ADGRF5: variants seen among roughly 807,000 people sequenced by gnomAD.
ADGRF5 encodes adhesion G protein-coupled receptor F5, also known as G-protein coupled receptor 116.
ADGRF5 carries 75 observed loss-of-function variants against 132.3 expected under a neutral mutation model. The ratio of observed to expected loss-of-function variants is 0.57; its 90% CI spans 0.47 to 0.69. ADGRF5 has a LOEUF of 0.69. Ranked by LOEUF, ADGRF5 falls within the 30% of genes least tolerant of loss-of-function variation. The pLI, the probability that ADGRF5 is intolerant of heterozygous loss-of-function variation, is 0.00. For missense variants in ADGRF5, 1,516 were observed against 1,630.6 expected, an observed-to-expected ratio of 0.93 and a Z score of 1.21; for synonymous variants, 629 against 597.6, an observed-to-expected ratio of 1.05 and a Z score of -0.77.
chr6:46,890,644 G>A (rs1773556493), intron 3 of ADGRF5, among the ~76,000 whole-genome samples: 1 of 152,030 alleles, frequency 6.6e-6, no homozygotes, highest in Non-Finnish European at 1.5e-5. Flanking sequence ...TTGAACCCAG[G>A]AGGCAGAGGT....
chr6:46,858,024 T>G, intron 17 of ADGRF5, 105 bp downstream of exon 17: 1 of 811,516 alleles, frequency 1.2e-6, no homozygotes, highest in South Asian at 1.9e-5. Context: ...TGAGGCTTCC[T>G]CTGGGCTGAA....
chr6:46,910,044 G>C (rs1775783328), intron 1 of ADGRF5, among the ~76,000 whole-genome samples: 1 of 146,410 alleles, frequency 6.8e-6, no homozygotes, highest in African/African-American at 2.5e-5. Context: ...ATAAAAAATA[G>C]AGAAACAATC....
chr6:46,899,884 T>C, intron 3 of ADGRF5, 145 bp downstream of exon 3: 2 of 627,086 alleles, frequency 3.2e-6, no homozygotes, highest in Non-Finnish European at 5.8e-6. Flanking sequence ...AGTTTCCTAG[T>C]AATTATTTTT....
chr6:46,897,968 G>T (rs772583609), intron 3 of ADGRF5, among the ~76,000 whole-genome samples: 1 of 152,268 alleles, frequency 6.6e-6, no homozygotes, highest in Non-Finnish European at 1.5e-5. Flanking sequence ...GCAGATGATG[G>T]GTTGATTCAT....
chr6:46,913,765 A>AT (rs1776191411), intron 1 of ADGRF5, among the ~76,000 whole-genome samples: 1 of 152,222 alleles, frequency 6.6e-6, no homozygotes, highest in Admixed American at 6.5e-5. Flanking sequence ...TTCTTCCCAC[A>AT]TGTAAGCTGC....
At chr6:46,944,258 A>G (rs1778211832) in intron 1 of ADGRF5, among the ~76,000 whole-genome samples, 1 of 152,204 alleles carries the variant, frequency 6.6e-6, no homozygotes, top group African/African-American at 2.4e-5. Context: ...CTTCGCATGC[A>G]CAGTTCACAA....
At chr6:46,908,445 G>A (rs1162135862) in intron 1 of ADGRF5, among the ~76,000 whole-genome samples, 3 of 152,078 alleles carry the variant, frequency 2.0e-5, no homozygotes, top group African/African-American at 4.8e-5. Flanking sequence ...TCAAGGAGAC[G>A]AGACTTAGTA....
intron 2 of ADGRF5, among the ~76,000 whole-genome samples, chr6:46,902,899 G>A (rs1363306308): frequency 6.6e-6 from 1 of 152,206 alleles, no homozygotes; most frequent in African/African-American, 2.4e-5. Context: ...TGGCTGCCAA[G>A]TCACCGGACC....
At position 46,948,386 on chromosome 6, in the gene ADGRF5, T is replaced by C. The variant is rs552571453; in HGVS notation, c.-25+6348A>G. ...AGGATGTGAGATCTGTTATGCCCATTTCATCAATGAATAAATAAAGGATCA... is the reference window on the plus strand; with the variant it reads ...AGGATGTGAGATCTGTTATGCCCATCTCATCAATGAATAAATAAAGGATCA... On this transcript the variant is annotated intron_variant, in intron 1 of 20. Coordinates refer to the ADGRF5 transcript ENST00000265417. Among the ~76,000 whole-genome samples the C allele has an allele frequency of 2.0e-5, 3 of 152,190 alleles. No individual in the cohort carries two copies. In the East Asian group the frequency reaches 5.8e-4, roughly 29 times the overall value.
chr6:46,881,663 T>A, intron 7 of ADGRF5, 66 bp from the exon 8 acceptor site: 1 of 1,432,326 alleles, frequency 7.0e-7, no homozygotes, highest in Non-Finnish European at 9.7e-7. Flanking sequence ...TATTTATGGC[T>A]TATTTGCTTA....
intron 3 of ADGRF5, 129 bp downstream of exon 3, chr6:46,899,900 T>C: frequency 1.5e-6 from 1 of 656,854 alleles, no homozygotes; most frequent in East Asian, 2.7e-5. Context: ...TTTTTGGAAA[T>C]CACACTGCAC....
At position 46,872,094 on chromosome 6, in the gene ADGRF5, T is replaced by C. The variant is rs1449588078; in HGVS notation, c.1241-81A>G. 4 of 985,008 alleles carry C rather than the reference T, an allele frequency of 4.1e-6. No homozygotes were observed. In the African/African-American group the frequency reaches 6.5e-5, roughly 16 times the overall value. The allele number at this position is 985,008 out of a possible 1,614,324, so 61.0% of individuals were successfully genotyped here. A position where few individuals can be genotyped will look rare whatever the true frequency, so the allele number is the denominator to read the frequency against. On this transcript the variant is annotated intron_variant, in intron 10 of 20. Coordinates refer to ENST00000283296, the MANE Select transcript of ADGRF5 (RefSeq NM_001098518.2). ...GCAAAGAGGTCAAATCATTTTTTTT[T>C]CATAAAAGGAGTTACTATTTAAATA...
chr6:46,952,324 G>A (rs1778529764), intron 1 of ADGRF5, among the ~76,000 whole-genome samples: 1 of 152,188 alleles, frequency 6.6e-6, no homozygotes, highest in African/African-American at 2.4e-5. Context: ...CAAAAAGTAA[G>A]TCCTCCAGAT....
Position 46,862,958 on chromosome 6 carries a change from C to T in ADGRF5, c.2129G>A (p.Gly710Asp). 1 of 1,613,162 alleles carries T rather than the reference C, an allele frequency of 6.2e-7. No homozygotes were observed. Among genetic ancestry groups the T allele is most frequent in the Non-Finnish European group, 8.5e-7 (1 of 1,179,472 alleles). Residue 710 changes from glycine (G) to aspartate (D), a missense_variant, in exon 15 of 21, where the codon GGC becomes GAC. This residue lies in a region of ADGRF5 where 945 missense variants were observed against 929.4 expected (regional missense o/e 1.02). Coordinates refer to ENST00000283296, the MANE Select transcript of ADGRF5 (RefSeq NM_001098518.2). ...ATTTCTCTTCTCCTCCCACTGGGAG[C>T]CTACACATTTGTAAGTGATGGTCCC... Reference protein sequence around the residue: ...IGGTITYKCVGSQWEEKRNDC... With the variant: ...IGGTITYKCVDSQWEEKRNDC...
intron 7 of ADGRF5, 137 bp downstream of exon 7, chr6:46,881,912 G>T: frequency 2.7e-6 from 2 of 747,626 alleles, no homozygotes; most frequent in South Asian, 1.5e-5. Flanking sequence ...TAAGGGGTGA[G>T]GTACTTTTTT....
At chr6:46,886,304 G>A (rs1234389572) in intron 4 of ADGRF5, among the ~76,000 whole-genome samples, 1 of 152,204 alleles carries the variant, frequency 6.6e-6, no homozygotes, top group Non-Finnish European at 1.5e-5. Flanking sequence ...TGGGGCAGGA[G>A]AATTAGAAAT....
At chr6:46,864,091 AGG>A (rs1770094787) in intron 14 of ADGRF5, among the ~76,000 whole-genome samples, 1 of 152,182 alleles carries the variant, frequency 6.6e-6, no homozygotes, top group Non-Finnish European at 1.5e-5. Context: ...AAGATTTAAG[AGG>A]ATGAGGAGTT....
chr6:46,872,143 T>C (rs1380787701), intron 10 of ADGRF5, 130 bp from the exon 11 acceptor site: 5 of 656,752 alleles, frequency 7.6e-6, no homozygotes, highest in African/African-American at 1.8e-5. Context: ...AATGGAGAAG[T>C]TGGGTTTATG....
chr6:46,895,108 C>T (rs563485938), intron 3 of ADGRF5, among the ~76,000 whole-genome samples: 2 of 151,838 alleles, frequency 1.3e-5, no homozygotes, highest in East Asian at 3.9e-4. Context: ...ACCTGGGAGG[C>T]GGAGGTTGCA....
Sources: gnomAD v4.1 joint callset for allele counts (sites outside exome capture counted in the v4.1 genomes callset) on GRCh38, gnomAD v4.1.1 for gene constraint, gnomAD v4.1.1 regional missense constraint, MANE v1.5 for transcripts, NCBI Gene and HGNC (gene_info 2026-07-23, HGNC 2026-07-21) for gene names.